Variants in UNC5D observed in about 807,000 individuals in gnomAD.
UNC5D encodes the protein netrin receptor UNC5D.
UNC5D carries 39 observed loss-of-function variants against 105.4 expected under a neutral mutation model. The observed-to-expected ratio is 0.37, with a 90% CI of 0.29 to 0.48. UNC5D has a LOEUF of 0.48. UNC5D is among the 20% of genes least tolerant of loss of function. UNC5D has a pLI of 0.98. For synonymous variants in UNC5D, 452 were observed against 450.4 expected, an observed-to-expected ratio of 1.00 and a Z score of -0.04; for missense variants, 991 against 1,202.4, an observed-to-expected ratio of 0.82 and a Z score of 2.60.
chr8:35,751,924 A>G (rs756856067), intron 13 of UNC5D, among the ~76,000 whole-genome samples: 5 of 152,190 alleles, frequency 3.3e-5, no homozygotes, highest in Admixed American at 1.3e-4. Flanking sequence ...AAGGAACACC[A>G]CATCAAGAGA....
chr8:35,772,049 G>C (rs1802033334), intron 15 of UNC5D, among the ~76,000 whole-genome samples: 1 of 152,124 alleles, frequency 6.6e-6, no homozygotes, highest in South Asian at 2.1e-4. Context: ...GCTCTTTTCT[G>C]TTATATAAAT....
At chr8:35,730,474 T>C (rs1829124633) in intron 10 of UNC5D, among the ~76,000 whole-genome samples, 1 of 152,144 alleles carries the variant, frequency 6.6e-6, no homozygotes, top group Non-Finnish European at 1.5e-5. Flanking sequence ...ATCAGATGCT[T>C]TCACTTTCTT....
intron 3 of UNC5D, among the ~76,000 whole-genome samples, chr8:35,573,916 AAAAT>A (rs1272217704): frequency 1.3e-5 from 2 of 152,202 alleles, no homozygotes; most frequent in Non-Finnish European, 2.9e-5. Flanking sequence ...TATAAAGGTA[AAAAT>A]AAATAAATAA....
In UNC5D at chr8:35,652,811, G is replaced by A. The variant is rs550030540; in HGVS notation, c.571-30736G>A. Among the ~76,000 whole-genome samples the A allele has an allele frequency of 1.4e-3, 211 of 150,462 alleles. 2 individuals carry two copies. The highest frequency in any genetic ancestry group is 2.8e-3 in the Admixed American group (42 of 15,096). On this transcript the variant is annotated intron_variant, in intron 4 of 16. Transcript: ENST00000404895. ...GGACTTCTCTCTCTGTCTCTGGGGA[G>A]CCTGTATTCTCTTGATCTCACATGA...
intron 2 of UNC5D, among the ~76,000 whole-genome samples, chr8:35,567,318 A>G (rs1817419750): frequency 6.6e-6 from 1 of 152,190 alleles, no homozygotes; most frequent in Non-Finnish European, 1.5e-5. Context: ...TGGATATCCC[A>G]GTTACTCTGA....
intron 4 of UNC5D, among the ~76,000 whole-genome samples, chr8:35,657,080 G>GTGTATATATATATATATATATATGTATA (rs1281641556): frequency 2.1e-5 from 1 of 46,520 alleles, no homozygotes; most frequent in African/African-American, 1.1e-4. Flanking sequence ...GTGTGTGTGT[G>GTGTATATATATATATATATATATGTATA]TATATATATA....
intron 1 of UNC5D, among the ~76,000 whole-genome samples, chr8:35,248,671 T>TTA (rs1288614661): frequency 1.0e-5 from 1 of 99,574 alleles, no homozygotes; most frequent in Non-Finnish European, 1.8e-5. Flanking sequence ...TAAATATATG[T>TTA]TATATATAAT....
chr8:35,552,332 T>G (rs1435992947), intron 2 of UNC5D, among the ~76,000 whole-genome samples: 1 of 147,026 alleles, frequency 6.8e-6, no homozygotes, highest in Non-Finnish European at 1.5e-5. Flanking sequence ...CAGATGAATT[T>G]CTTCAACACC....
intron 3 of UNC5D, among the ~76,000 whole-genome samples, chr8:35,579,725 G>A (rs1032529311): frequency 6.6e-6 from 1 of 152,158 alleles, no homozygotes; most frequent in African/African-American, 2.4e-5. Flanking sequence ...AAGTGAACAG[G>A]ACAAATTATG....
intron 1 of UNC5D, among the ~76,000 whole-genome samples, chr8:35,252,124 G>A (rs1250588671): frequency 1.3e-5 from 2 of 148,606 alleles, no homozygotes; most frequent in African/African-American, 2.5e-5. Context: ...CGGGGTTCAC[G>A]CCATTCTCCA....
At position 35,791,425 on chromosome 8, in the gene UNC5D, G is replaced by C. The variant is rs1803036479; in HGVS notation, c.*862G>C. Reference sequence around the variant, plus strand: ...ATTACATGGATATGGGGACAGGAGAGATTAAAGCAGGTTCAAAAACACATG... The same window carrying C: ...ATTACATGGATATGGGGACAGGAGACATTAAAGCAGGTTCAAAAACACATG... On this transcript the variant is annotated 3_prime_UTR_variant, in exon 17 of 17. Coordinates refer to ENST00000404895, the MANE Select transcript of UNC5D (RefSeq NM_080872.4). The C allele has an allele frequency of 1.3e-5, 2 of 152,182 alleles. No homozygotes were observed. Among genetic ancestry groups the C allele is most frequent in the Non-Finnish European group, 2.9e-5 (2 of 68,036 alleles). 9.4% of individuals were successfully genotyped at this position (152,182 alleles called of 1,614,324 possible). A position where few individuals can be genotyped will look rare whatever the true frequency, so the allele number is the denominator to read the frequency against.
intron 1 of UNC5D, among the ~76,000 whole-genome samples, chr8:35,286,853 G>T (rs1452932976): frequency 6.6e-6 from 1 of 152,174 alleles, no homozygotes; most frequent in Non-Finnish European, 1.5e-5. Context: ...CAGCATGGGA[G>T]CCTGTCATAC....
chr8:35,739,682 A>G (rs1047224727), intron 11 of UNC5D, among the ~76,000 whole-genome samples: 2 of 152,228 alleles, frequency 1.3e-5, no homozygotes, highest in East Asian at 3.8e-4. Context: ...CATATTGTAA[A>G]GGAGCACCAC....
chr8:35,253,066 T>C (rs1247569685), intron 1 of UNC5D, among the ~76,000 whole-genome samples: 1 of 152,082 alleles, frequency 6.6e-6, no homozygotes. Flanking sequence ...TTTGTCATCA[T>C]TGAATTATAG....
chr8:35,700,136 C>T (rs879060088), intron 7 of UNC5D, among the ~76,000 whole-genome samples: 5 of 152,192 alleles, frequency 3.3e-5, no homozygotes, highest in Admixed American at 2.6e-4. Flanking sequence ...ATCTGCCAGG[C>T]CCTGGGAATT....
intron 15 of UNC5D, among the ~76,000 whole-genome samples, chr8:35,767,474 T>A (rs73578254): frequency 0.079 from 12,099 of 152,228 alleles, 1,340 homozygotes; most frequent in African/African-American, 0.25. Flanking sequence ...TTCTGCTGGT[T>A]CTGACTAGTT....
chr8:35,705,882 T>C (rs1327307672), intron 7 of UNC5D, 47 bp from the exon 8 acceptor site: 1 of 1,220,978 alleles, frequency 8.2e-7, no homozygotes, highest in Admixed American at 2.1e-5. Flanking sequence ...CTGCTCCATG[T>C]AAATTTATTA....
intron 7 of UNC5D, among the ~76,000 whole-genome samples, chr8:35,702,394 A>C (rs563338616): frequency 6.6e-6 from 1 of 152,240 alleles, no homozygotes; most frequent in African/African-American, 2.4e-5. Flanking sequence ...AGTGGGGCCC[A>C]GGTATGAGTA....
chr8:35,563,426 A>G (rs572180685), intron 2 of UNC5D, among the ~76,000 whole-genome samples: 13 of 151,776 alleles, frequency 8.6e-5, no homozygotes, highest in Non-Finnish European at 1.5e-4. Context: ...CAGATTATTC[A>G]TCACTAACAT....
Sources: gnomAD v4.1 joint callset for allele counts (sites outside exome capture counted in the v4.1 genomes callset) on GRCh38, gnomAD v4.1.1 for gene constraint, MANE v1.5 for transcripts, NCBI Gene and HGNC (gene_info 2026-07-23, HGNC 2026-07-21) for gene names.